Variants in DPP6 observed in about 807,000 individuals in gnomAD.
The protein encoded by DPP6 is A-type potassium channel modulatory protein DPP6.
DPP6 carries 69 observed loss-of-function variants against 122.6 expected under a neutral mutation model. The ratio of observed to expected loss-of-function variants is 0.56; its 90% CI spans 0.46 to 0.69. DPP6 has a LOEUF of 0.69. DPP6 is among the 30% of genes least tolerant of loss of function. The pLI is 0.00. For synonymous variants in DPP6, 418 were observed against 433.1 expected, an observed-to-expected ratio of 0.97 and a Z score of 0.43; for missense variants, 928 against 1,116.9, an observed-to-expected ratio of 0.83 and a Z score of 2.41.
intron 1 of DPP6, among the ~76,000 whole-genome samples, chr7:154,360,028 G>C (rs887761176): frequency 8.5e-5 from 13 of 152,134 alleles, no homozygotes; most frequent in Non-Finnish European, 2.9e-5. Flanking sequence ...GTGCTGCTTG[G>C]CTTTGAGATG....
chr7:154,303,684 C>A (rs1248049158), intron 1 of DPP6, among the ~76,000 whole-genome samples: 1 of 152,208 alleles, frequency 6.6e-6, no homozygotes, highest in Middle Eastern at 3.2e-3. Flanking sequence ...CCATACCACA[C>A]AGCAAGGGTT....
chr7:154,535,746 A>G (rs1214701006), intron 3 of DPP6, among the ~76,000 whole-genome samples: 1 of 152,168 alleles, frequency 6.6e-6, no homozygotes, highest in East Asian at 1.9e-4. Flanking sequence ...AAACCTGCAA[A>G]TCACCCATAA....
At chr7:154,297,491 A>C (rs1585860197) in intron 1 of DPP6, among the ~76,000 whole-genome samples, 1 of 152,332 alleles carries the variant, frequency 6.6e-6, no homozygotes, top group African/African-American at 2.4e-5. Context: ...AATAAGGCAA[A>C]CCAGCTACTG....
At chr7:154,669,704 C>T (rs1838433613) in intron 7 of DPP6, among the ~76,000 whole-genome samples, 1 of 152,168 alleles carries the variant, frequency 6.6e-6, no homozygotes, top group Admixed American at 6.5e-5. Flanking sequence ...TGGTGCCTAA[C>T]TGTAGCTGTG....
At chr7:154,402,361 A>G (rs1586170312) in intron 1 of DPP6, among the ~76,000 whole-genome samples, 1 of 149,852 alleles carries the variant, frequency 6.7e-6, no homozygotes, top group East Asian at 2.0e-4. Context: ...ATGTCCAACA[A>G]TGATAGACTG....
intron 7 of DPP6, among the ~76,000 whole-genome samples, chr7:154,680,927 T>C (rs760839195): frequency 2.0e-5 from 3 of 152,148 alleles, no homozygotes; most frequent in Admixed American, 6.5e-5. Context: ...CTCACTCTCT[T>C]TTTGAAGGAG....
At chr7:154,212,447 A>C (rs1326345165) in intron 1 of DPP6, among the ~76,000 whole-genome samples, 2 of 152,234 alleles carry the variant, frequency 1.3e-5, no homozygotes, top group Non-Finnish European at 2.9e-5. Context: ...ATTAACATTG[A>C]GAATTCAAAC....
chr7:153,800,173 G>A, the DPP6 span, among the ~76,000 whole-genome samples: 75 of 152,262 alleles, frequency 4.9e-4, no homozygotes, highest in Non-Finnish European at 9.3e-4. Context: ...ATCAACCTAA[G>A]TGTCCATCAA....
chr7:154,561,746 G>GT (rs374827906), intron 4 of DPP6, among the ~76,000 whole-genome samples: 2 of 152,008 alleles, frequency 1.3e-5, no homozygotes, highest in Non-Finnish European at 1.5e-5. Context: ...ATGACCAGCT[G>GT]TTTTTTGGAA....
At chr7:154,191,617 T>TTGAA (rs1227711484) in intron 1 of DPP6, among the ~76,000 whole-genome samples, 1 of 152,044 alleles carries the variant, frequency 6.6e-6, no homozygotes, top group Non-Finnish European at 1.5e-5. Context: ...AGAAGATTGA[T>TTGAA]TGAATGAATG....
At position 154,143,612 on chromosome 7, in the gene DPP6, T is replaced by C. The variant is rs886169022; in HGVS notation, c.243+90549T>C. Among the ~76,000 whole-genome samples the C allele has an allele frequency of 3.3e-5, 5 of 152,248 alleles. No individual in the cohort carries two copies. In the East Asian group the frequency reaches 9.6e-4, roughly 29 times the overall value. ...CTTTCTGGGATTTCCTAGGCATCTA[T>C]AGTCCAACTTAGCTCTATGTTTATT... is the stretch of plus-strand genomic sequence containing the variant. On this transcript the variant is annotated intron_variant, in intron 1 of 25. Transcript: ENST00000377770.
intron 5 of DPP6, among the ~76,000 whole-genome samples, chr7:154,571,280 C>T (rs962494200): frequency 3.3e-5 from 5 of 152,004 alleles, no homozygotes; most frequent in African/African-American, 1.2e-4. Flanking sequence ...GAAACATTTC[C>T]AAATCTCTTT....
chr7:154,258,812 T>C (rs905630876), intron 1 of DPP6, among the ~76,000 whole-genome samples: 9 of 152,174 alleles, frequency 5.9e-5, no homozygotes, highest in African/African-American at 2.2e-4. Context: ...AATGGGGTTA[T>C]GGACACAACA....
chr7:154,250,306 G>T (rs1367372155), intron 1 of DPP6, among the ~76,000 whole-genome samples: 2 of 152,050 alleles, frequency 1.3e-5, no homozygotes, highest in Non-Finnish European at 2.9e-5. Flanking sequence ...CTACAGATGG[G>T]CAGCCTTGGT....
At chr7:153,975,978 A>G (rs1042507982) in intron 1 of DPP6, among the ~76,000 whole-genome samples, 1 of 152,180 alleles carries the variant, frequency 6.6e-6, no homozygotes, top group African/African-American at 2.4e-5. Flanking sequence ...AAGCTCTTTA[A>G]CAAGTGCCTG....
intron 19 of DPP6, among the ~76,000 whole-genome samples, chr7:154,873,109 G>A (rs1432057941): frequency 6.6e-6 from 1 of 152,222 alleles, no homozygotes; most frequent in Non-Finnish European, 1.5e-5. Flanking sequence ...TGCCGTGAAT[G>A]CCCTTTTTTC....
Position 154,605,509 on chromosome 7 carries a change from A to G in DPP6, c.628-32312A>G, listed in dbSNP as rs1833558770. ...CAATTACATTTAAATGTTCAAAATT[A>G]TTTAATAAAGTTTTGTATATTTTCA... On this transcript the variant is annotated intron_variant, in intron 5 of 25. Transcript: ENST00000377770. Among the ~76,000 whole-genome samples, 2 of 120,442 alleles carry G rather than the reference A, an allele frequency of 1.7e-5. 1 individual carries two copies. Among genetic ancestry groups the G allele is most frequent in the African/African-American group, 5.2e-5 (2 of 38,106 alleles). 79.0% of individuals were successfully genotyped at this position (120,442 alleles called of 152,430 possible). A position where few individuals can be genotyped will look rare whatever the true frequency, so the allele number is the denominator to read the frequency against.
chr7:154,605,353 T>G (rs530265335), intron 5 of DPP6, among the ~76,000 whole-genome samples: 1 of 119,764 alleles, frequency 8.3e-6, no homozygotes, highest in African/African-American at 2.6e-5. Context: ...GGGTATCTGT[T>G]CCATCTGAGC....
At chr7:153,966,566 T>C (rs1430634315) in intron 1 of DPP6, among the ~76,000 whole-genome samples, 22 of 6,380 alleles carry the variant, frequency 3.4e-3, no homozygotes, top group Non-Finnish European at 8.6e-3. Flanking sequence ...TTTTTTTTTT[T>C]TTTTTTTTTT....
Sources: allele counts gnomAD v4.1 joint callset (sites outside exome capture counted in the v4.1 genomes callset), GRCh38; gene constraint gnomAD v4.1.1; transcripts MANE v1.5; gene names NCBI Gene and HGNC (gene_info 2026-07-23, HGNC 2026-07-21).